The following MED13L variants were observed in gnomAD, a reference collection of about 807,000 sequenced individuals.
MED13L encodes the protein mediator of RNA polymerase II transcription subunit 13-like.
MED13L carries 7 observed loss-of-function variants against 220.9 expected under a neutral mutation model. That is an observed-to-expected ratio of 0.03 (90% CI 0.02 to 0.06). The LOEUF (loss-of-function observed/expected upper bound fraction) is 0.06, where lower values mean the gene tolerates loss of function less well. MED13L is among the 10% of genes least tolerant of loss of function. The pLI is 1.00. For missense variants in MED13L, 1,965 were observed against 2,760.5 expected (o/e 0.71, Z 6.46); for synonymous variants, 1,011 against 1,015.2 (o/e 1.00, Z 0.08).
intron 9 of MED13L, among the ~76,000 whole-genome samples, chr12:116,011,446 C>T (rs993215038): frequency 3.3e-5 from 5 of 152,036 alleles, no homozygotes; most frequent in Non-Finnish European, 5.9e-5. Flanking sequence ...TCAGTAAATA[C>T]GTTATCTTTT....
intron 2 of MED13L, among the ~76,000 whole-genome samples, chr12:116,227,484 T>G (rs1869119999): frequency 6.6e-6 from 1 of 152,230 alleles, no homozygotes. Flanking sequence ...TCAATTCTTG[T>G]GTCTGTGTCA....
At chr12:116,267,704 T>C (rs999464475) in intron 1 of MED13L, among the ~76,000 whole-genome samples, 3 of 152,216 alleles carry the variant, frequency 2.0e-5, no homozygotes, top group Non-Finnish European at 2.9e-5. Flanking sequence ...CTTTTGAATG[T>C]TGAACAAAAG....
At chr12:116,026,627 C>G (rs1880411582) in intron 4 of MED13L, among the ~76,000 whole-genome samples, 1 of 152,086 alleles carries the variant, frequency 6.6e-6, no homozygotes, top group African/African-American at 2.4e-5. Flanking sequence ...GCTCCTGGCT[C>G]AAAGACCACA....
rs747696659 is a variant in MED13L at position 115,983,194 on chromosome 12, C to A, written c.4878G>T (p.Thr1626=). The change falls in exon 21 of 31, where the codon ACG becomes ACT. Residue 1626 remains threonine (T), a synonymous_variant. Transcript: ENST00000281928. ...CTCCACCACAGCCTATGTTCCCTTG[C>A]GTTCTATCCGCAGAAATGCCCCCAG... ...PSTGGISADR[T]QGNIGCGGDT... 5.0e-6 allele frequency: 8 copies of A among 1,614,014 alleles called. No homozygotes were observed. The highest frequency in any genetic ancestry group is 5.1e-6 in the Non-Finnish European group (6 of 1,180,006).
intron 4 of MED13L, among the ~76,000 whole-genome samples, chr12:116,032,820 T>C (rs1880934538): frequency 6.6e-6 from 1 of 152,108 alleles, no homozygotes; most frequent in African/African-American, 2.4e-5. Flanking sequence ...TAAGTCTCTC[T>C]CTACATTATG....
At chr12:116,023,536 T>C (rs11067881) in intron 4 of MED13L, among the ~76,000 whole-genome samples, 13,764 of 152,064 alleles carry the variant, frequency 0.091, 722 homozygotes, top group East Asian at 0.22. Context: ...ATAAAGTACA[T>C]TTGGAGTACT....
At chr12:116,060,526 C>G (rs1171482352) in intron 4 of MED13L, among the ~76,000 whole-genome samples, 2 of 148,062 alleles carry the variant, frequency 1.4e-5, no homozygotes, top group Non-Finnish European at 3.0e-5. Context: ...TGTAGTGAGC[C>G]GAGATCATGC....
chr12:116,138,119 G>A (rs1876737184), intron 2 of MED13L, among the ~76,000 whole-genome samples: 1 of 152,124 alleles, frequency 6.6e-6, no homozygotes, highest in Non-Finnish European at 1.5e-5. Context: ...GCCTCCCAAA[G>A]TGCTGGGATT....
chr12:116,007,643 GACA>G lies in MED13L; in HGVS notation c.2013-10_2013-8del. 54 of 289,928 alleles carry G rather than the reference GACA, an allele frequency of 1.9e-4. No homozygotes were observed. Among genetic ancestry groups the G allele is most frequent in the South Asian group, 6.2e-4 (8 of 12,986 alleles). The allele number at this position is 289,928 out of a possible 1,614,324, so 18.0% of individuals were successfully genotyped here. On this transcript the variant is annotated splice_polypyrimidine_tract_variant and splice_region_variant and intron_variant, in intron 10 of 30. Coordinates refer to ENST00000281928, the MANE Select transcript of MED13L (RefSeq NM_015335.5). ...GTTAGGTTGTGCTAAGAGTCTAAAA[GACA>G]AAAAAAAAAAAAAAAAAAAGAGCAT...
In MED13L at chr12:116,005,973, C is replaced by G. The variant is rs1463837748; in HGVS notation, c.2365G>C (p.Ala789Pro). ...AGGCTACTGGAGCCAGCTCTGCCAG[C>G]AGCATTATCCTGCCGGACATCTGTA... ...TKTDVRQDNA[A>P]GRAGSSSLTQ... is the part of the protein sequence containing the mutation. The change falls in exon 13 of 31, where the codon GCT becomes CCT. Residue 789 changes from alanine to proline, a missense_variant. Coordinates refer to ENST00000281928, the MANE Select transcript of MED13L (RefSeq NM_015335.5). The G allele has an allele frequency of 6.2e-7, 1 of 1,613,932 alleles. No homozygotes were observed. The highest frequency in any genetic ancestry group is 1.7e-5 in the Admixed American group (1 of 60,012).
intron 2 of MED13L, among the ~76,000 whole-genome samples, chr12:116,120,319 G>A (rs1389082614): frequency 6.6e-6 from 1 of 152,034 alleles, no homozygotes; most frequent in Non-Finnish European, 1.5e-5. Context: ...TAACACTGAA[G>A]TTAAATTTTC....
intron 2 of MED13L, among the ~76,000 whole-genome samples, chr12:116,178,643 C>T (rs11067932): frequency 0.082 from 12,423 of 152,258 alleles, 667 homozygotes; most frequent in East Asian, 0.21. Context: ...TTACAACCCA[C>T]TTGCCTTGTC....
chr12:116,111,369 C>A, intron 3 of MED13L, 59 bp downstream of exon 3: 3 of 1,339,130 alleles, frequency 2.2e-6, no homozygotes, highest in Non-Finnish European at 3.2e-6. Context: ...AGGAAACTCT[C>A]GGTATCTAGC....
rs1369967789 is a variant in MED13L, at chr12:115,960,628, A to G, written c.*638T>C. 2 of 157,310 alleles carry G rather than the reference A, an allele frequency of 1.3e-5. No individual in the cohort carries two copies. Among genetic ancestry groups the G allele is most frequent in the Non-Finnish European group, 2.8e-5 (2 of 70,730 alleles). 9.7% of individuals were successfully genotyped at this position (157,310 alleles called of 1,614,324 possible). A position where few individuals can be genotyped will look rare whatever the true frequency, so the allele number is the denominator to read the frequency against. Reference sequence around the variant, plus strand: ...TGGTCCTTGTGAATTAAAAAAATAAAGTCACAAAAACCATATGACAAAACA... The same window carrying G: ...TGGTCCTTGTGAATTAAAAAAATAAGGTCACAAAAACCATATGACAAAACA... On this transcript the variant is annotated 3_prime_UTR_variant, in exon 31 of 31. Coordinates refer to ENST00000281928, the MANE Select transcript of MED13L (RefSeq NM_015335.5).
At chr12:116,138,025 T>C (rs900046967) in intron 2 of MED13L, among the ~76,000 whole-genome samples, 1 of 151,878 alleles carries the variant, frequency 6.6e-6, no homozygotes, top group African/African-American at 2.4e-5. Context: ...TCCGGCTAAT[T>C]TTGTATTTTT....
chr12:116,047,223 G>T (rs562630692), intron 4 of MED13L, among the ~76,000 whole-genome samples: 1 of 152,184 alleles, frequency 6.6e-6, no homozygotes, highest in African/African-American at 2.4e-5. Context: ...GCCTGGTAGC[G>T]CATGCTAGTA....
intron 2 of MED13L, among the ~76,000 whole-genome samples, chr12:116,123,788 A>G (rs1040024388): frequency 3.3e-5 from 5 of 152,134 alleles, no homozygotes; most frequent in Admixed American, 2.6e-4. Context: ...ATAATCTTAA[A>G]GAGCATTTTA....
At chr12:116,210,385 T>C (rs957425943) in intron 2 of MED13L, among the ~76,000 whole-genome samples, 1 of 151,914 alleles carries the variant, frequency 6.6e-6, no homozygotes, top group African/African-American at 2.4e-5. Flanking sequence ...ATGGTATGCA[T>C]AATATTGTTA....
chr12:116,027,114 A>C (rs1370929774), intron 4 of MED13L, among the ~76,000 whole-genome samples: 1 of 152,160 alleles, frequency 6.6e-6, no homozygotes, highest in African/African-American at 2.4e-5. Context: ...CATTTTTCTG[A>C]ACAGATCATT....
Sources: gnomAD v4.1 joint callset for allele counts (sites outside exome capture counted in the v4.1 genomes callset) on GRCh38, gnomAD v4.1.1 for gene constraint, MANE v1.5 for transcripts, NCBI Gene and HGNC (gene_info 2026-07-23, HGNC 2026-07-21) for gene names.